Variants in PCDHA2 observed in about 807,000 individuals in gnomAD.
PCDHA2 encodes the protein protocadherin alpha 2.
Under a neutral mutation model 66.0 loss-of-function variants are expected in PCDHA2, and 58 were observed. The ratio of observed to expected loss-of-function variants is 0.88; its 90% CI spans 0.71 to 1.09. The LOEUF (loss-of-function observed/expected upper bound fraction) is 1.09, where lower values mean the gene tolerates loss of function less well. PCDHA2 is among the 50% of genes least tolerant of loss of function. The pLI, the probability that PCDHA2 is intolerant of heterozygous loss-of-function variation, is 0.00. For synonymous variants in PCDHA2, 634 were observed against 554.0 expected (o/e 1.14, Z -2.03); for missense variants, 1,267 against 1,242.3 (o/e 1.02, Z -0.30).
intron 1 of PCDHA2, among the ~76,000 whole-genome samples, chr5:140,949,420 G>A (rs1219049825): frequency 6.6e-6 from 1 of 151,726 alleles, no homozygotes; most frequent in African/African-American, 2.4e-5. Context: ...TCATCATTGT[G>A]TTTATCTCTT....
At chr5:140,937,824 A>C (rs1229119616) in intron 1 of PCDHA2, among the ~76,000 whole-genome samples, 1 of 151,696 alleles carries the variant, frequency 6.6e-6, no homozygotes, top group African/African-American at 2.4e-5. Flanking sequence ...AGGCAGGAGA[A>C]TGGCATGAAC....
chr5:140,942,266 T>A (rs2093257794), intron 1 of PCDHA2, among the ~76,000 whole-genome samples: 1 of 152,134 alleles, frequency 6.6e-6, no homozygotes, highest in South Asian at 2.1e-4. Flanking sequence ...TATCTAAAGC[T>A]GGTAATGGTG....
chr5:140,863,282 A>G (rs782183211), intron 1 of PCDHA2: 1 of 1,461,396 alleles, frequency 6.8e-7, no homozygotes, highest in Non-Finnish European at 9.3e-7. Flanking sequence ...GTGGATGTCA[A>G]CGTGTACCTG....
intron 1 of PCDHA2, among the ~76,000 whole-genome samples, chr5:140,827,789 G>T (rs1378424997): frequency 1.3e-5 from 2 of 152,206 alleles, no homozygotes; most frequent in Non-Finnish European, 2.9e-5. Context: ...AACACTGACC[G>T]TGCAAATTAC....
In PCDHA2 at chr5:140,871,299, G is replaced by T. The variant is rs782459625; in HGVS notation, c.2388+73947G>T. On this transcript the variant is annotated intron_variant, in intron 1 of 3. Coordinates refer to ENST00000526136, the MANE Select transcript of PCDHA2 (RefSeq NM_018905.3). The stretch of plus-strand genomic sequence containing the variant: ...CAACGCCCACTGAGGGCGCGTGCGC[G>T]CCGGGGAAGCCCACGCTGGTGTGCT... 1.5e-5 allele frequency: 24 copies of T among 1,613,798 alleles called. No homozygotes were observed. In the East Asian group the frequency reaches 5.3e-4, roughly 36 times the overall value.
intron 1 of PCDHA2, chr5:140,882,018 A>G (rs2058907575): frequency 1.8e-6 from 1 of 559,242 alleles, no homozygotes; most frequent in South Asian, 4.1e-5. Flanking sequence ...AAAATACTAC[A>G]TCAATGGAAA....
rs1231696084 is a variant in PCDHA2 at position 140,858,276 on chromosome 5, T to C, written c.2388+60924T>C. The C allele has an allele frequency of 3.1e-6, 5 of 1,594,740 alleles. No individual in the cohort carries two copies. The highest frequency in any genetic ancestry group is 4.3e-6 in the Non-Finnish European group (5 of 1,166,444). On this transcript the variant is annotated intron_variant, in intron 1 of 3. Coordinates refer to ENST00000526136, the MANE Select transcript of PCDHA2 (RefSeq NM_018905.3). ...CCCACGCTGGTGTGCTCTAGCGCGGTGGGGAGCTGGTCTTACTCGCAGCAG... is the reference window on the plus strand; with the variant it reads ...CCCACGCTGGTGTGCTCTAGCGCGGCGGGGAGCTGGTCTTACTCGCAGCAG...
chr5:140,875,731 A>C, intron 1 of PCDHA2: 14 of 1,614,150 alleles, frequency 8.7e-6, no homozygotes, highest in Non-Finnish European at 1.0e-5. Context: ...TTTGTTTGTG[A>C]ATTCTCGGAT....
At chr5:140,932,810 A>G (rs925757508) in intron 1 of PCDHA2, among the ~76,000 whole-genome samples, 1 of 151,958 alleles carries the variant, frequency 6.6e-6, no homozygotes, top group Non-Finnish European at 1.5e-5. Flanking sequence ...CCTTGGAAAC[A>G]TATAAGTGGG....
chr5:140,823,734 T>A, intron 1 of PCDHA2: 5 of 1,613,778 alleles, frequency 3.1e-6, no homozygotes, highest in Non-Finnish European at 4.2e-6. Context: ...TGAAGGACCA[T>A]GGAGAGCCCC....
intron 1 of PCDHA2, chr5:140,857,735 G>T (rs782288464): frequency 6.3e-7 from 1 of 1,597,334 alleles, no homozygotes; most frequent in Non-Finnish European, 8.6e-7. Flanking sequence ...CAACGCTCCC[G>T]CGCTGCTGGC....
chr5:140,828,554 G>C, intron 1 of PCDHA2: 1 of 1,614,212 alleles, frequency 6.2e-7, no homozygotes. Flanking sequence ...GTTTCCACTG[G>C]AGGGCGCGTC....
chr5:140,830,329 G>C (rs2150185018), intron 1 of PCDHA2: 1 of 1,614,050 alleles, frequency 6.2e-7, no homozygotes, highest in Non-Finnish European at 8.5e-7. Flanking sequence ...GCGCAGTGGG[G>C]AGCTGGTCGT....
intron 1 of PCDHA2, chr5:140,834,432 T>A (rs2150217756): frequency 6.2e-7 from 1 of 1,613,886 alleles, no homozygotes; most frequent in South Asian, 1.1e-5. Context: ...TCTACTGCTG[T>A]TTATTATAAT....
chr5:141,009,491 C>G, intron 3 of PCDHA2, 136 bp from the exon 4 acceptor site: 1 of 1,475,722 alleles, frequency 6.8e-7, no homozygotes, highest in Non-Finnish European at 9.0e-7. Flanking sequence ...GCCTTGCCCT[C>G]AGACTTGAAC....
chr5:140,882,302 C>A, intron 1 of PCDHA2: 1 of 1,613,798 alleles, frequency 6.2e-7, no homozygotes, highest in Non-Finnish European at 8.5e-7. Context: ...CCCAAGACCG[C>A]GGCAACTACT....
intron 2 of PCDHA2, among the ~76,000 whole-genome samples, chr5:140,980,460 T>G (rs1554241839): frequency 6.6e-6 from 1 of 152,134 alleles, no homozygotes; most frequent in Non-Finnish European, 1.5e-5. Flanking sequence ...TGAAACCCTG[T>G]CTCTACTAAA....
intron 1 of PCDHA2, chr5:140,929,303 A>G (rs782378312): frequency 1.1e-5 from 17 of 1,586,722 alleles, no homozygotes; most frequent in Non-Finnish European, 1.1e-5. Context: ...AGGAAAGGGG[A>G]TCACGCTAAT....
At chr5:140,850,678 C>T in intron 1 of PCDHA2, 1 of 1,598,606 alleles carries the variant, frequency 6.3e-7, no homozygotes, top group Non-Finnish European at 8.6e-7. Flanking sequence ...GCGATGCCCA[C>T]CGAGGGCGAG....
Sources: allele counts gnomAD v4.1 joint callset (sites outside exome capture counted in the v4.1 genomes callset), GRCh38; gene constraint gnomAD v4.1.1; transcripts MANE v1.5; gene names NCBI Gene and HGNC (gene_info 2026-07-23, HGNC 2026-07-21).